Variants in SYTL3 observed in about 807,000 individuals in gnomAD.
SYTL3 encodes synaptotagmin-like protein 3.
Under a neutral mutation model 82.1 loss-of-function variants are expected in SYTL3, and 88 were observed. The ratio of observed to expected loss-of-function variants is 1.07; its 90% CI spans 0.90 to 1.28. The LOEUF is 1.28. SYTL3 is among the 50% of genes most tolerant of loss of function. The probability of loss-of-function intolerance (pLI) is 0.00; values close to 1 mark genes in which losing one functional copy is unlikely to be tolerated. For missense variants in SYTL3, 831 were observed against 757.6 expected (o/e 1.10, Z -1.14); for synonymous variants, 311 against 289.4 (o/e 1.07, Z -0.76).
chr6:158,760,144 G>GTGTC (rs907545094), intron 14 of SYTL3, among the ~76,000 whole-genome samples: 1 of 151,914 alleles, frequency 6.6e-6, no homozygotes, highest in African/African-American at 2.4e-5. Context: ...GGGCAGGGAG[G>GTGTC]TGTCCTCAGA....
At chr6:158,648,590 C>CA (rs869171730), upstream of SYTL3, among the ~76,000 whole-genome samples, 2,513 of 131,370 alleles carry the variant, frequency 0.019, 56 homozygotes, top group African/African-American at 0.049. Context: ...GACTCGGTCT[C>CA]AAAAAAAAAA....
At chr6:158,717,939 A>C in intron 9 of SYTL3, 148 bp from the exon 10 acceptor site, 3 of 577,066 alleles carry the variant, frequency 5.2e-6, no homozygotes, top group Non-Finnish European at 2.7e-6. Context: ...TGGTGGGGGA[A>C]TGTGCCGCCC....
chr6:158,711,665 A>G (rs573164632), intron 8 of SYTL3, among the ~76,000 whole-genome samples: 1 of 152,364 alleles, frequency 6.6e-6, no homozygotes, highest in African/African-American at 2.4e-5. Context: ...CGGCTACTCC[A>G]TAGACAGAAC....
chr6:158,735,339 T>G (rs1211435006), intron 11 of SYTL3, among the ~76,000 whole-genome samples: 1 of 152,204 alleles, frequency 6.6e-6, no homozygotes, highest in African/African-American at 2.4e-5. Context: ...CACACATGGA[T>G]GATGTTAATT....
chr6:158,678,161 C>T (rs1189090778), intron 5 of SYTL3, among the ~76,000 whole-genome samples: 1 of 152,110 alleles, frequency 6.6e-6, no homozygotes, highest in Non-Finnish European at 1.5e-5. Context: ...ACAGGCGTGT[C>T]CCACCAATGC....
At chr6:158,665,889 T>C (rs1176589921) in intron 5 of SYTL3, among the ~76,000 whole-genome samples, 2 of 152,192 alleles carry the variant, frequency 1.3e-5, no homozygotes, top group East Asian at 1.9e-4. Flanking sequence ...GTGGGTGGAT[T>C]GCTGGAGCCC....
intron 6 of SYTL3, among the ~76,000 whole-genome samples, chr6:158,699,887 TG>T (rs1428879519): frequency 6.6e-6 from 1 of 151,854 alleles, no homozygotes; most frequent in Non-Finnish European, 1.5e-5. Flanking sequence ...GCGAAGGTTG[TG>T]GTGAGCTGGG....
At chr6:158,706,348 C>G (rs555081503) in intron 6 of SYTL3, among the ~76,000 whole-genome samples, 1 of 152,308 alleles carries the variant, frequency 6.6e-6, no homozygotes, top group Admixed American at 6.5e-5. Flanking sequence ...GCTATTTGCC[C>G]TCCCAAAGGC....
chr6:158,660,037 C>T (rs969061462), intron 2 of SYTL3, among the ~76,000 whole-genome samples: 5 of 151,748 alleles, frequency 3.3e-5, no homozygotes, highest in East Asian at 1.9e-4. Context: ...CACTTTGGGA[C>T]GCCGAGGGCC....
At chr6:158,674,318 C>T (rs769976186) in intron 5 of SYTL3, among the ~76,000 whole-genome samples, 45 of 152,070 alleles carry the variant, frequency 3.0e-4, no homozygotes, top group Non-Finnish European at 5.1e-4. Flanking sequence ...ATTGTAGTCC[C>T]ACCGTCTCTT....
intron 8 of SYTL3, among the ~76,000 whole-genome samples, chr6:158,712,759 C>CTTTT (rs56677894): frequency 8.6e-5 from 11 of 127,630 alleles, no homozygotes; most frequent in Admixed American, 3.2e-4. Context: ...TTCTTTCTTT[C>CTTTT]TTTTTTTTTT....
At chr6:158,713,435 A>C (rs1462762774) in intron 8 of SYTL3, among the ~76,000 whole-genome samples, 1 of 151,980 alleles carries the variant, frequency 6.6e-6, no homozygotes, top group Non-Finnish European at 1.5e-5. Context: ...GGGCCATTGG[A>C]GAAAAGAGGT....
At position 158,763,375 on chromosome 6, in the gene SYTL3, A is replaced by G. The variant is rs752579130; in HGVS notation, c.1589A>G (p.Gln530Arg). The change falls in exon 17 of 18, where the codon CAG becomes CGG. Residue 530 changes from glutamine to arginine, a missense_variant. Coordinates refer to ENST00000611299, the MANE Select transcript of SYTL3 (RefSeq NM_001242394.2). ...GTCCTGAGGAAGCAGGCTTGCCCCC[A>G]GTGGAAACACTCATTTGTCTTCAGT... ...SPVLRKQACP[Q>R]WKHSFVFSGV... 3.1e-6 allele frequency: 5 copies of G among 1,614,236 alleles called. No individual in the cohort carries two copies. Among genetic ancestry groups the G allele is most frequent in the South Asian group, 1.1e-5 (1 of 91,090 alleles).
intron 16 of SYTL3, among the ~76,000 whole-genome samples, 154 bp from the exon 17 acceptor site, chr6:158,763,146 GCCGA>G (rs2128555585): frequency 6.6e-6 from 1 of 151,610 alleles, no homozygotes; most frequent in South Asian, 2.1e-4. Flanking sequence ...AGGGAAATGT[GCCGA>G]GTCCTGTGGT....
chr6:158,684,823 A>C (rs561681994), intron 6 of SYTL3, among the ~76,000 whole-genome samples: 36 of 152,002 alleles, frequency 2.4e-4, no homozygotes, highest in African/African-American at 4.3e-4. Flanking sequence ...AAAAAAAAAA[A>C]AAAACGCTGC....
chr6:158,764,045 A>G (rs1488387707), intron 17 of SYTL3, among the ~76,000 whole-genome samples: 1 of 152,260 alleles, frequency 6.6e-6, no homozygotes, highest in African/African-American at 2.4e-5. Flanking sequence ...ACTGAGAACC[A>G]GTGACTGAAG....
rs149829862 is a variant in SYTL3 at position 158,702,129 on chromosome 6, C to T, written c.395-5101C>T. On this transcript the variant is annotated intron_variant, in intron 6 of 17. Transcript: ENST00000611299. ...CTGGATGGGAGGATCACTGCAGGCA[C>T]ATGCCACCATGCCCAGCTCATTTAA... is the stretch of plus-strand genomic sequence containing the variant. Among the ~76,000 whole-genome samples the T allele has an allele frequency of 2.6e-5, 4 of 151,948 alleles. No homozygotes were observed. In the East Asian group the frequency reaches 7.8e-4, roughly 30 times the overall value.
intron 13 of SYTL3, among the ~76,000 whole-genome samples, chr6:158,754,359 T>G (rs1788797318): frequency 6.6e-6 from 1 of 152,184 alleles, no homozygotes; most frequent in Non-Finnish European, 1.5e-5. Context: ...TTACACCTCA[T>G]TCCCAGCTGA....
intron 5 of SYTL3, among the ~76,000 whole-genome samples, chr6:158,675,874 C>T (rs570813406): frequency 1.2e-4 from 19 of 152,218 alleles, no homozygotes; most frequent in South Asian, 2.1e-4. Context: ...GGCGTGAACC[C>T]GGGAGGCGGA....
Sources: allele counts gnomAD v4.1 joint callset (sites outside exome capture counted in the v4.1 genomes callset), GRCh38; gene constraint gnomAD v4.1.1; transcripts MANE v1.5; gene names NCBI Gene and HGNC (gene_info 2026-07-23, HGNC 2026-07-21).